ZDHHC14: variants seen among roughly 807,000 people sequenced by gnomAD.
ZDHHC14 encodes the protein palmitoyltransferase ZDHHC14.
In ZDHHC14, 16 loss-of-function variants were observed where a neutral mutation model predicts 47.7. The ratio of observed to expected loss-of-function variants is 0.34; its 90% CI spans 0.23 to 0.51. The LOEUF (loss-of-function observed/expected upper bound fraction) is 0.51, where lower values mean the gene tolerates loss of function less well. Ranked by LOEUF, ZDHHC14 falls within the 20% of genes least tolerant of loss-of-function variation. The pLI, the probability that ZDHHC14 is intolerant of heterozygous loss-of-function variation, is 0.97. For missense variants in ZDHHC14, 515 were observed against 662.5 expected (o/e 0.78, Z 2.44); for synonymous variants, 293 against 278.9 (o/e 1.05, Z -0.50).
Position 157,542,810 on chromosome 6 carries a change from C to T in ZDHHC14, c.406+65C>T, listed in dbSNP as rs2886421. The T allele has an allele frequency of 1.1e-5, 17 of 1,561,518 alleles. 1 individual carries two copies. The highest frequency in any genetic ancestry group is 1.9e-4 in the Middle Eastern group (1 of 5,250). ...CGCCTGGGCCCAGCTACAGTGGGGA[C>T]GGCAGGCCGAGGGCTGTGCAGGAGG... On this transcript the variant is annotated intron_variant, in intron 2 of 8. Coordinates refer to ENST00000359775, the MANE Select transcript of ZDHHC14 (RefSeq NM_024630.3).
At chr6:157,671,062 G>A (rs543588787) in intron 8 of ZDHHC14, among the ~76,000 whole-genome samples, 28 of 152,320 alleles carry the variant, frequency 1.8e-4, no homozygotes, top group African/African-American at 6.7e-4. Context: ...GGCTGCAGGG[G>A]TATGAGCAAT....
At chr6:157,523,501 G>A (rs1051056611) in intron 1 of ZDHHC14, among the ~76,000 whole-genome samples, 1 of 152,140 alleles carries the variant, frequency 6.6e-6, no homozygotes, top group Non-Finnish European at 1.5e-5. Context: ...CAGACTTGCG[G>A]ATTTCTTCTT....
chr6:157,665,195 G>A (rs796219579), intron 8 of ZDHHC14, among the ~76,000 whole-genome samples: 18 of 152,270 alleles, frequency 1.2e-4, no homozygotes, highest in African/African-American at 4.1e-4. Context: ...TTATATACAG[G>A]CTGAATGCTG....
intron 1 of ZDHHC14, among the ~76,000 whole-genome samples, chr6:157,449,486 TATA>T (rs1322782731): frequency 6.6e-6 from 1 of 152,186 alleles, no homozygotes; most frequent in African/African-American, 2.4e-5. Flanking sequence ...TCATCACAGT[TATA>T]ATAAGACTTC....
At chr6:157,651,966 G>A (rs555331911) in intron 7 of ZDHHC14, among the ~76,000 whole-genome samples, 10 of 152,264 alleles carry the variant, frequency 6.6e-5, no homozygotes, top group South Asian at 2.1e-4. Context: ...GCTGTCACCC[G>A]CGCTAGAGGG....
intron 3 of ZDHHC14, among the ~76,000 whole-genome samples, chr6:157,593,359 C>A (rs531999146): frequency 3.6e-4 from 55 of 152,300 alleles, no homozygotes; most frequent in African/African-American, 1.1e-3. Flanking sequence ...GGGCCTCCCC[C>A]AGCACAGGCA....
chr6:157,393,970 C>G (rs967102534), intron 1 of ZDHHC14, among the ~76,000 whole-genome samples: 2 of 152,186 alleles, frequency 1.3e-5, no homozygotes, highest in Non-Finnish European at 2.9e-5. Flanking sequence ...TGCCCCCTGA[C>G]CTGGCATTTC....
chr6:157,385,037 C>T (rs990822112), intron 1 of ZDHHC14, among the ~76,000 whole-genome samples: 1 of 152,358 alleles, frequency 6.6e-6, no homozygotes, highest in East Asian at 1.9e-4. Flanking sequence ...CCGCCTTGGC[C>T]TCCCAAAGTG....
In ZDHHC14 at chr6:157,586,210, A is replaced by G. The variant is rs1783692505; in HGVS notation, c.407-6778A>G. 6.6e-6 allele frequency among the ~76,000 whole-genome samples: 1 copy of G among 152,162 alleles called. No individual in the cohort carries two copies. Among genetic ancestry groups the G allele is most frequent in the African/African-American group, 2.4e-5 (1 of 41,452 alleles). ...GAGCCCAGGGCTGGCCCCCAGTAGAAGCACAATACAGATCTAGTGGCTGGA... is the reference window on the plus strand; with the variant it reads ...GAGCCCAGGGCTGGCCCCCAGTAGAGGCACAATACAGATCTAGTGGCTGGA... On this transcript the variant is annotated intron_variant, in intron 2 of 8. Transcript: ENST00000359775. The surrounding 1 kb of genome is among the most constrained non-coding windows in gnomAD (Gnocchi z 4.6).
At chr6:157,443,097 G>A (rs1417931244) in intron 1 of ZDHHC14, among the ~76,000 whole-genome samples, 2 of 152,172 alleles carry the variant, frequency 1.3e-5, no homozygotes, top group Admixed American at 1.3e-4. Flanking sequence ...GAGGTGATTG[G>A]ATCATGGGGG....
intron 1 of ZDHHC14, among the ~76,000 whole-genome samples, chr6:157,476,694 A>G (rs1779493623): frequency 6.6e-6 from 1 of 152,232 alleles, no homozygotes; most frequent in Admixed American, 6.5e-5. Context: ...ACACATCAAA[A>G]GGATCATTCA....
intron 1 of ZDHHC14, among the ~76,000 whole-genome samples, chr6:157,407,886 A>G (rs572586104): frequency 5.9e-5 from 9 of 152,342 alleles, no homozygotes; most frequent in African/African-American, 2.2e-4. Flanking sequence ...CTTACCATGA[A>G]CTTCTCAGAA....
chr6:157,639,156 G>A (rs1454135460), intron 5 of ZDHHC14, among the ~76,000 whole-genome samples: 3 of 152,204 alleles, frequency 2.0e-5, no homozygotes, highest in African/African-American at 7.2e-5. Flanking sequence ...AAACTGGGAG[G>A]GGCTGTGATA....
intron 1 of ZDHHC14, among the ~76,000 whole-genome samples, chr6:157,460,777 G>A (rs189404001): frequency 1.1e-3 from 174 of 152,290 alleles, no homozygotes; most frequent in Middle Eastern, 6.8e-3. Flanking sequence ...AACATCCCCC[G>A]TTTGCTTATG....
intron 1 of ZDHHC14, among the ~76,000 whole-genome samples, chr6:157,536,201 A>G (rs1781539964): frequency 6.6e-6 from 1 of 152,222 alleles, no homozygotes; most frequent in Non-Finnish European, 1.5e-5. Context: ...TGTGGCAATA[A>G]TGCAGCAAGG....
intron 1 of ZDHHC14, among the ~76,000 whole-genome samples, chr6:157,473,565 T>A (rs1233495373): frequency 1.3e-5 from 2 of 152,216 alleles, no homozygotes; most frequent in Non-Finnish European, 1.5e-5. Flanking sequence ...AGAAGTATTT[T>A]CGATTTGGGA....
At chr6:157,471,115 A>G (rs1779344126) in intron 1 of ZDHHC14, among the ~76,000 whole-genome samples, 1 of 152,218 alleles carries the variant, frequency 6.6e-6, no homozygotes, top group Admixed American at 6.5e-5. Context: ...CCCCTGACAC[A>G]GAGGTCCATG....
intron 1 of ZDHHC14, among the ~76,000 whole-genome samples, chr6:157,494,862 C>T (rs1780016593): frequency 6.6e-6 from 1 of 152,098 alleles, no homozygotes; most frequent in Non-Finnish European, 1.5e-5. Context: ...TTAAAAAGTG[C>T]CAGGGACAGT....
chr6:157,563,361 G>A (rs1039107536), intron 2 of ZDHHC14, among the ~76,000 whole-genome samples: 66 of 152,222 alleles, frequency 4.3e-4, no homozygotes, highest in African/African-American at 1.5e-3. Flanking sequence ...GAGCAGGTCC[G>A]GGTGATGTGA....
Sources: gnomAD v4.1 joint callset for allele counts (sites outside exome capture counted in the v4.1 genomes callset) on GRCh38, gnomAD v4.1.1 for gene constraint, Gnocchi (gnomAD v3.1) non-coding constraint, MANE v1.5 for transcripts, NCBI Gene and HGNC (gene_info 2026-07-23, HGNC 2026-07-21) for gene names.